The following OVCH1 variants were observed in gnomAD, a reference collection of about 807,000 sequenced individuals.
OVCH1 encodes ovochymase 1.
In OVCH1, 139 loss-of-function variants were observed where a neutral mutation model predicts 138.4. The observed-to-expected ratio is 1.00, with a 90% CI of 0.87 to 1.16. The LOEUF is 1.16. Ranked by LOEUF, OVCH1 falls within the 50% of genes most tolerant of loss-of-function variation. The pLI is 0.00. For missense variants in OVCH1, 1,367 were observed against 1,357.9 expected (o/e 1.01, Z -0.11); for synonymous variants, 453 against 467.8 (o/e 0.97, Z 0.41).
chr12:29,446,328 A>G (rs948684091), intron 22 of OVCH1, among the ~76,000 whole-genome samples: 1 of 152,148 alleles, frequency 6.6e-6, no homozygotes, highest in Non-Finnish European at 1.5e-5. Flanking sequence ...GGCATTTTAA[A>G]GTATACAATG....
At chr12:29,427,513 A>G, downstream of OVCH1, 4 of 1,544,756 alleles carry the variant, frequency 2.6e-6, no homozygotes, top group African/African-American at 2.7e-5. Context: ...TTGAGACAGA[A>G]TGTGCTTGGT....
downstream of OVCH1, among the ~76,000 whole-genome samples, chr12:29,425,206 A>G (rs573664573): frequency 6.6e-6 from 1 of 152,326 alleles, no homozygotes; most frequent in South Asian, 2.1e-4. Flanking sequence ...GGGAAGGTCT[A>G]AATGGTATGG....
intron 26 of OVCH1, among the ~76,000 whole-genome samples, chr12:29,434,328 TA>T (rs755108174): frequency 6.6e-6 from 1 of 151,958 alleles, no homozygotes; most frequent in South Asian, 2.1e-4. Context: ...GCTTAGGTGT[TA>T]AAAAAAATCT....
chr12:29,494,475 C>A (rs1174363283), intron 4 of OVCH1, among the ~76,000 whole-genome samples: 1 of 152,078 alleles, frequency 6.6e-6, no homozygotes, highest in Non-Finnish European at 1.5e-5. Context: ...ATGTTTCGAG[C>A]TTTTTTGTTA....
chr12:29,452,521 C>T (rs1013546395), intron 21 of OVCH1, among the ~76,000 whole-genome samples: 3 of 152,150 alleles, frequency 2.0e-5, no homozygotes, highest in Non-Finnish European at 2.9e-5. Flanking sequence ...AATCTTCCCT[C>T]GCCTTGCCCT....
At chr12:29,436,599 C>G (rs1481477653) in intron 26 of OVCH1, among the ~76,000 whole-genome samples, 3 of 152,162 alleles carry the variant, frequency 2.0e-5, no homozygotes, top group Non-Finnish European at 4.4e-5. Flanking sequence ...TGTTACAGCT[C>G]TTAAAGATGG....
At chr12:29,466,644 C>T (rs2350530) in intron 16 of OVCH1, among the ~76,000 whole-genome samples, 85,099 of 151,956 alleles carry the variant, frequency 0.56, 24,320 homozygotes, top group African/African-American at 0.67. Context: ...ACTAGTAATG[C>T]AGTATTTTGT....
chr12:29,405,345 C>T, the OVCH1 span, among the ~76,000 whole-genome samples: 1 of 152,092 alleles, frequency 6.6e-6, no homozygotes, highest in Non-Finnish European at 1.5e-5. Context: ...CTTGAATTAC[C>T]ATGCAGGAAG....
At chr12:29,420,483 CTTTTTTTTTTTTTTTTTTTTTTTTTTT>C (rs958610211) in intron 3 of OVCH1, among the ~76,000 whole-genome samples, 7 of 18,996 alleles carry the variant, frequency 3.7e-4, no homozygotes, top group African/African-American at 1.8e-3. Flanking sequence ...GAAAAAGCAG[CTTTTTTTTTTTTTTTTTTTTTTTTTTT>C]TTTTTTTTTT....
chr12:29,433,825 TA>T lies in OVCH1; in HGVS notation c.3265-13del, dbSNP rs1291907646. 5.5e-5 allele frequency: 76 copies of T among 1,385,612 alleles called. No individual in the cohort carries two copies. The East Asian group carries it at 1.9e-3, about 34-fold the overall frequency. The allele number at this position is 1,385,612 out of a possible 1,614,324, so 85.8% of individuals were successfully genotyped here. On this transcript the variant is annotated splice_polypyrimidine_tract_variant and intron_variant, in intron 26 of 27. Transcript: ENST00000318184. ...CTTACATTATCATACTAAAATTAAGTAAAATGTTTTTAATGGAAATGCCTCC... is the reference window on the plus strand; with the variant it reads ...CTTACATTATCATACTAAAATTAAGTAAATGTTTTTAATGGAAATGCCTCC...
At chr12:29,472,492 C>T (rs949113222) in intron 15 of OVCH1, among the ~76,000 whole-genome samples, 2 of 152,146 alleles carry the variant, frequency 1.3e-5, no homozygotes, top group Non-Finnish European at 2.9e-5. Flanking sequence ...ATTGATGAGA[C>T]CCATAGCCCA....
intron 21 of OVCH1, among the ~76,000 whole-genome samples, chr12:29,452,475 T>G (rs1941823992): frequency 6.6e-6 from 1 of 152,200 alleles, no homozygotes; most frequent in South Asian, 2.1e-4. Context: ...TTTAACATTT[T>G]GATTTAATAG....
downstream of OVCH1, among the ~76,000 whole-genome samples, chr12:29,409,507 G>C (rs1241874306): frequency 1.3e-5 from 2 of 151,760 alleles, no homozygotes; most frequent in South Asian, 4.2e-4. Context: ...GGTATGTTGT[G>C]TCTTTGTTCT....
In OVCH1 at chr12:29,454,981, C is replaced by T. The variant is rs377702457; in HGVS notation, c.2438-48G>A. The stretch of plus-strand genomic sequence containing the variant: ...AAAAATAAAGATGAAAGCCTGAGAA[C>T]AAAATATAGTGGGCACTAAAGCAGC... On this transcript the variant is annotated intron_variant, in intron 20 of 27. Coordinates refer to ENST00000318184, the Ensembl canonical transcript of OVCH1. 7.4e-6 allele frequency: 11 copies of T among 1,477,864 alleles called. No homozygotes were observed. The African/African-American group carries it at 1.5e-4, about 21-fold the overall frequency. 91.5% of individuals were successfully genotyped at this position (1,477,864 alleles called of 1,614,324 possible). A position where few individuals can be genotyped will look rare whatever the true frequency, so the allele number is the denominator to read the frequency against.
At chr12:29,484,775 T>C (rs1943041423) in intron 8 of OVCH1, among the ~76,000 whole-genome samples, 1 of 152,164 alleles carries the variant, frequency 6.6e-6, no homozygotes, top group South Asian at 2.1e-4. Flanking sequence ...TTTCTCCAAA[T>C]AACACTGTCC....
rs752497961 is a variant in OVCH1, at chr12:29,496,722, A to G, written c.65-48T>C. 7 of 1,387,842 alleles carry G rather than the reference A, an allele frequency of 5.0e-6. No individual in the cohort carries two copies. The African/African-American group carries it at 5.8e-5, about 12-fold the overall frequency. The allele number at this position is 1,387,842 out of a possible 1,614,324, so 86.0% of individuals were successfully genotyped here. ...GTGCACACACAGAGCCTTATGTAAG[A>G]GTTCACTTTACCAAGATTTCCCATT... is the stretch of plus-strand genomic sequence containing the variant. On this transcript the variant is annotated intron_variant, in intron 1 of 27. Transcript: ENST00000318184.
At chr12:29,474,074 T>TACACACACACACACACACAC (rs146655743) in intron 14 of OVCH1, among the ~76,000 whole-genome samples, 11 of 145,192 alleles carry the variant, frequency 7.6e-5, no homozygotes, top group African/African-American at 1.0e-4. Context: ...CACACACACA[T>TACACACACACACACACACAC]ACACACACAC....
At chr12:29,436,019 TTTTAAACAAATTTGAA>T (rs1391632549) in intron 26 of OVCH1, among the ~76,000 whole-genome samples, 1 of 152,218 alleles carries the variant, frequency 6.6e-6, no homozygotes, top group Non-Finnish European at 1.5e-5. Flanking sequence ...TTCATTTACT[TTTTAAACAAATTTGAA>T]TTATATAGTT....
chr12:29,495,456 T>C, exon 4 of OVCH1: 5 of 1,610,878 alleles, frequency 3.1e-6, no homozygotes, highest in Non-Finnish European at 4.2e-6. Flanking sequence ...TTCAGCTGCT[T>C]CCTAAAACCA....
Sources: gnomAD v4.1 joint callset for allele counts (sites outside exome capture counted in the v4.1 genomes callset) on GRCh38, gnomAD v4.1.1 for gene constraint, MANE v1.5 for transcripts, NCBI Gene and HGNC (gene_info 2026-07-23, HGNC 2026-07-21) for gene names.